The following PLEKHA5 variants were observed in gnomAD, a reference collection of about 807,000 sequenced individuals.
PLEKHA5 encodes the protein pleckstrin homology domain-containing family A member 5.
PLEKHA5 carries 55 observed loss-of-function variants against 181.9 expected under a neutral mutation model. The observed-to-expected ratio is 0.30, with a 90% CI of 0.24 to 0.38. The LOEUF (loss-of-function observed/expected upper bound fraction) is 0.38. Ranked by LOEUF, PLEKHA5 falls within the 10% of genes least tolerant of loss-of-function variation. The pLI is 1.00. For synonymous variants in PLEKHA5, 535 were observed against 529.4 expected (o/e 1.01, Z -0.15); for missense variants, 1,432 against 1,549.5 (o/e 0.92, Z 1.27).
At chr12:19,313,296 G>A (rs1374191605) in intron 15 of PLEKHA5, among the ~76,000 whole-genome samples, 1 of 152,110 alleles carries the variant, frequency 6.6e-6, no homozygotes, top group African/African-American at 2.4e-5. Context: ...GATCGCCTAA[G>A]CCTAGGAGTT....
intron 17 of PLEKHA5, among the ~76,000 whole-genome samples, chr12:19,320,288 A>C (rs2090302551): frequency 6.6e-6 from 1 of 152,038 alleles, no homozygotes; most frequent in Non-Finnish European, 1.5e-5. Flanking sequence ...AAATGATGTA[A>C]GATACTGTAT....
At chr12:19,361,739 C>T (rs2095250330) in intron 29 of PLEKHA5, 33 bp downstream of exon 29, 1 of 1,561,414 alleles carries the variant, frequency 6.4e-7, no homozygotes, top group Admixed American at 1.9e-5. Flanking sequence ...GAATCATTCA[C>T]AAAACTGTGT....
At chr12:19,200,314 T>TA in intron 3 of PLEKHA5, 5 of 1,525,748 alleles carry the variant, frequency 3.3e-6, no homozygotes, top group Non-Finnish European at 4.4e-6. Context: ...TTTTATCCTT[T>TA]ATCCTTCCAG....
At chr12:19,167,834 A>G (rs997233926) in intron 3 of PLEKHA5, among the ~76,000 whole-genome samples, 7 of 152,098 alleles carry the variant, frequency 4.6e-5, no homozygotes, top group African/African-American at 7.2e-5. Context: ...AAAGTGACAC[A>G]CCACTTGATA....
chr12:19,322,636 G>C lies in PLEKHA5; in HGVS notation c.2417G>C (p.Ser806Thr). 3 of 1,613,702 alleles carry C rather than the reference G, an allele frequency of 1.9e-6. No individual in the cohort carries two copies. The highest frequency in any genetic ancestry group is 2.5e-6 in the Non-Finnish European group (3 of 1,179,820). ...GATGATTTACAAAATGGACTGCTTA[G>C]TACGTGTCGAGAACTTTCTCGAGCC... Reference protein sequence around the residue: ...QRDDLQNGLLSTCRELSRATA... With the variant: ...QRDDLQNGLLTTCRELSRATA... Residue 806 changes from serine (S) to threonine (T), a missense_variant, in exon 20 of 32, where the codon AGT becomes ACT. Physicochemically the swap from Ser to Thr is moderately conservative, Grantham distance 58 (BLOSUM62 1). Coordinates refer to ENST00000429027, the MANE Select transcript of PLEKHA5 (RefSeq NM_001256470.2).
At chr12:19,161,544 T>C (rs1020129481) in intron 3 of PLEKHA5, among the ~76,000 whole-genome samples, 7 of 152,128 alleles carry the variant, frequency 4.6e-5, no homozygotes, top group African/African-American at 1.7e-4. Flanking sequence ...TTTGTGGGCA[T>C]CCCACAGAAT....
intron 3 of PLEKHA5, among the ~76,000 whole-genome samples, chr12:19,236,691 T>C (rs2061457398): frequency 6.6e-6 from 1 of 152,224 alleles, no homozygotes; most frequent in Non-Finnish European, 1.5e-5. Flanking sequence ...TTTGCATCCA[T>C]ATATCTTAGT....
rs1565526352 is a variant in PLEKHA5, at chr12:19,255,210, GTATC to G, written c.432+49_432+52del. 3 of 1,266,924 alleles carry G rather than the reference GTATC, an allele frequency of 2.4e-6. No homozygotes were observed. The African/African-American group carries it at 4.4e-5, about 19-fold the overall frequency. The allele number at this position is 1,266,924 out of a possible 1,614,324, so 78.5% of individuals were successfully genotyped here. A position where few individuals can be genotyped will look rare whatever the true frequency, so the allele number is the denominator to read the frequency against. ...ATTAATTATTGATAAGGAGTAAACA[GTATC>G]TATACCGTTACTCATAATGGACTTA... is the stretch of plus-strand genomic sequence containing the variant. On this transcript the variant is annotated intron_variant, in intron 5 of 31. Coordinates refer to ENST00000429027, the MANE Select transcript of PLEKHA5 (RefSeq NM_001256470.2).
intron 3 of PLEKHA5, chr12:19,149,664 T>C (rs2039902867): frequency 6.6e-6 from 1 of 152,242 alleles, no homozygotes; most frequent in Non-Finnish European, 1.5e-5. Flanking sequence ...GATCACCTAG[T>C]CAGGTAAGAG....
intron 31 of PLEKHA5, chr12:19,370,834 T>G (rs1056332210): frequency 6.6e-6 from 1 of 151,850 alleles, no homozygotes; most frequent in African/African-American, 2.4e-5. Flanking sequence ...GGATCACAAG[T>G]GCACGCCACC....
intron 3 of PLEKHA5, among the ~76,000 whole-genome samples, chr12:19,252,776 T>A (rs1395855405): frequency 6.6e-6 from 1 of 152,084 alleles, no homozygotes; most frequent in Non-Finnish European, 1.5e-5. Flanking sequence ...CTCATTACAT[T>A]ATCTATATAA....
At position 19,358,576 on chromosome 12, in the gene PLEKHA5, A is replaced by G. The variant is rs2095068943; in HGVS notation, c.3348+139A>G. On this transcript the variant is annotated intron_variant, in intron 27 of 31. Coordinates refer to ENST00000429027, the MANE Select transcript of PLEKHA5 (RefSeq NM_001256470.2). The stretch of plus-strand genomic sequence containing the variant: ...TATATTATTTAATTCTCCTAATAAT[A>G]AGCTAAGACAGCTAAGTAAAATGTA... 4.9e-6 allele frequency: 3 copies of G among 614,380 alleles called. No individual in the cohort carries two copies. The South Asian group carries it at 6.4e-5, about 13-fold the overall frequency. 38.1% of individuals were successfully genotyped at this position (614,380 alleles called of 1,614,324 possible).
At chr12:19,332,637 C>T (rs1323097137) in intron 20 of PLEKHA5, among the ~76,000 whole-genome samples, 1 of 152,136 alleles carries the variant, frequency 6.6e-6, no homozygotes, top group Non-Finnish European at 1.5e-5. Flanking sequence ...AGCCTAGCAC[C>T]TGACATTTAA....
At chr12:19,152,836 A>G (rs1365053555) in intron 3 of PLEKHA5, 2 of 152,032 alleles carry the variant, frequency 1.3e-5, no homozygotes, top group African/African-American at 4.8e-5. Flanking sequence ...CATGCATTTG[A>G]TTTTGGGAAT....
intron 21 of PLEKHA5, among the ~76,000 whole-genome samples, chr12:19,341,655 CT>C (rs1313508115): frequency 1.3e-5 from 2 of 151,856 alleles, no homozygotes; most frequent in Non-Finnish European, 2.9e-5. Context: ...GGCTTATAGA[CT>C]TTTCTTGAGT....
chr12:19,173,867 A>G lies in PLEKHA5; in HGVS notation c.227+41417A>G, dbSNP rs1361769073. ...GATAAAAAATTAGGAGCCACCATCAAAAATCAAACATTAGGTTTTAAGTAT... is the reference window on the plus strand; with the variant it reads ...GATAAAAAATTAGGAGCCACCATCAGAAATCAAACATTAGGTTTTAAGTAT... On this transcript the variant is annotated intron_variant, in intron 3 of 31. Transcript: ENST00000429027. Among the ~76,000 whole-genome samples the G allele has an allele frequency of 3.3e-5, 5 of 152,236 alleles. No individual in the cohort carries two copies. The East Asian group carries it at 7.7e-4, about 23-fold the overall frequency.
In PLEKHA5 at chr12:19,334,829, AATATATATATATATATATATATAT is replaced by A. The variant is rs56763101; in HGVS notation, c.2449-1669_2449-1646del. Among the ~76,000 whole-genome samples, 4 of 18,602 alleles carry A rather than the reference AATATATATATATATATATATATAT, an allele frequency of 2.2e-4. 1 individual carries two copies. Among genetic ancestry groups the A allele is most frequent in the African/African-American group, 4.9e-4 (4 of 8,208 alleles). 12.2% of individuals were successfully genotyped at this position (18,602 alleles called of 152,430 possible). A position where few individuals can be genotyped will look rare whatever the true frequency, so the allele number is the denominator to read the frequency against. On this transcript the variant is annotated intron_variant, in intron 20 of 31. Transcript: ENST00000429027. ...AAATCCTGTCTTCACAAAAAAAAAA[AATATATATATATATATATATATAT>A]ATATATATATATATATCTCTGTATA... is the stretch of plus-strand genomic sequence containing the variant.
chr12:19,258,525 GT>G (rs1280904336), intron 6 of PLEKHA5, among the ~76,000 whole-genome samples: 1 of 144,946 alleles, frequency 6.9e-6, no homozygotes, highest in Non-Finnish European at 1.5e-5. Context: ...AGGCTAAAAG[GT>G]TTTTGCACAT....
rs1035746198 is a variant in PLEKHA5, at chr12:19,284,278, A to C, written c.1779+533A>C. Among the ~76,000 whole-genome samples, 5 of 152,242 alleles carry C rather than the reference A, an allele frequency of 3.3e-5. No individual in the cohort carries two copies. The East Asian group carries it at 5.8e-4, about 18-fold the overall frequency. Reference sequence around the variant, plus strand: ...GAGATGTGGTTTCACCGTGATGCCCAGGCTGGTCTTGAACTCCTGATCTCA... The same window carrying C: ...GAGATGTGGTTTCACCGTGATGCCCCGGCTGGTCTTGAACTCCTGATCTCA... On this transcript the variant is annotated intron_variant, in intron 12 of 31. Coordinates refer to ENST00000429027, the MANE Select transcript of PLEKHA5 (RefSeq NM_001256470.2).
Sources: gnomAD v4.1 joint callset for allele counts (sites outside exome capture counted in the v4.1 genomes callset) on GRCh38, gnomAD v4.1.1 for gene constraint, MANE v1.5 for transcripts, NCBI Gene and HGNC (gene_info 2026-07-23, HGNC 2026-07-21) for gene names.